Variants in DEPDC4 observed in about 807,000 individuals in gnomAD.
DEPDC4 encodes the protein DEP domain containing 4.
In DEPDC4, 52 loss-of-function variants were observed where a neutral mutation model predicts 52.0. The ratio of observed to expected loss-of-function variants is 1.00; its 90% CI spans 0.80 to 1.26. The LOEUF (loss-of-function observed/expected upper bound fraction) is 1.26, where lower values mean the gene tolerates loss of function less well. Among genes scored for constraint, DEPDC4 ranks in the 50% most tolerant of loss-of-function variants. The pLI, the probability that DEPDC4 is intolerant of heterozygous loss-of-function variation, is 0.00. For missense variants in DEPDC4, 530 were observed against 546.9 expected (o/e 0.97, Z 0.31); for synonymous variants, 201 against 196.8 (o/e 1.02, Z -0.18).
chr12:100,249,032 A>G (rs11110316), intron 7 of DEPDC4, 54 bp from the exon 8 acceptor site: 203,096 of 738,994 alleles, frequency 0.27, 28,802 homozygotes, highest in Non-Finnish European at 0.29. Context: ...TCTAGCCAGC[A>G]TTTCAACATA....
intron 3 of DEPDC4, among the ~76,000 whole-genome samples, chr12:100,261,166 G>A (rs932852659): frequency 1.3e-5 from 2 of 148,426 alleles, no homozygotes; most frequent in South Asian, 2.1e-4. Context: ...GGGCAACAGA[G>A]CGAGACTCCG....
Position 100,240,698 on chromosome 12 carries a change from G to T in DEPDC4, c.*1194C>A, listed in dbSNP as rs1462480894. Among the ~76,000 whole-genome samples, 4 of 152,072 alleles carry T rather than the reference G, an allele frequency of 2.6e-5. No individual in the cohort carries two copies. Among genetic ancestry groups the T allele is most frequent in the Non-Finnish European group, 5.9e-5 (4 of 68,018 alleles). ...TAACCATAAAATATGGACTGAAGAA[G>T]AATTAGAGAGAGAAATCACAGTTTT... On this transcript the variant is annotated 3_prime_UTR_variant, in exon 10 of 10. Coordinates refer to ENST00000550587, the MANE Select transcript of DEPDC4 (RefSeq NM_001364818.2).
intron 7 of DEPDC4, among the ~76,000 whole-genome samples, chr12:100,251,422 C>G (rs577715624): frequency 1.3e-5 from 2 of 152,264 alleles, no homozygotes; most frequent in African/African-American, 4.8e-5. Flanking sequence ...TACTGCTACT[C>G]CTAAGTGTTT....
rs1421312780 is a variant in DEPDC4, at chr12:100,253,587, A to G, written c.1007T>C (p.Ile336Thr). Residue 336 changes from isoleucine (I) to threonine (T), a missense_variant, in exon 5 of 10, where the codon ATA becomes ACA. Transcript: ENST00000550587. ...EETRLNSQKK[I>T]LFDVIAKYYA... ...GTATTTTGCTATGACATCAAAGAGT[A>G]TCTTCTTCTGACTGTTCAATCTTGT... 2 of 1,289,034 alleles carry G rather than the reference A, an allele frequency of 1.6e-6. No homozygotes were observed. The highest frequency in any genetic ancestry group is 1.5e-5 in the African/African-American group (1 of 65,862). 79.8% of individuals were successfully genotyped at this position (1,289,034 alleles called of 1,614,324 possible). A position where few individuals can be genotyped will look rare whatever the true frequency, so the allele number is the denominator to read the frequency against.
chr12:100,248,950 C>G lies in DEPDC4; in HGVS notation c.1403G>C (p.Ser468Thr). The G allele has an allele frequency of 4.1e-6, 4 of 985,532 alleles. No homozygotes were observed. The highest frequency in any genetic ancestry group is 4.8e-6 in the Non-Finnish European group (4 of 829,640). 61.0% of individuals were successfully genotyped at this position (985,532 alleles called of 1,614,324 possible). A position where few individuals can be genotyped will look rare whatever the true frequency, so the allele number is the denominator to read the frequency against. Residue 468 changes from serine (S) to threonine (T), a missense_variant, in exon 8 of 10, where the codon AGT becomes ACT. Ser to Thr is a moderately conservative substitution (Grantham distance 58). Coordinates refer to ENST00000550587, the MANE Select transcript of DEPDC4 (RefSeq NM_001364818.2). ...KTPVTLLDLV[S>T]KKLKKLLHGE... is the part of the protein sequence containing the mutation. ...ATGTAGAAGCTTCTTAAGTTTCTTA[C>G]TAACCAGATCCAATAAAGTAACTGG...
chr12:100,261,295 C>A (rs2096252870), intron 3 of DEPDC4, among the ~76,000 whole-genome samples: 1 of 151,802 alleles, frequency 6.6e-6, no homozygotes, highest in Non-Finnish European at 1.5e-5. Flanking sequence ...GTTGATAAAT[C>A]ACAGTCCTCC....
In DEPDC4 at chr12:100,263,820, T is replaced by A. The variant is rs1171573384; in HGVS notation, c.231A>T (p.Ile77=). ...TCTGTAAATGATGCCTCCTTCTTTT[T>A]ATTTCCACTTGGGCCTGAAGAGAGT... ...IIHSLQAQVE[I]KRRRHHLQTY... The change falls in exon 2 of 10, where the codon ATA becomes ATT. Residue 77 remains isoleucine (I), a synonymous_variant. Coordinates refer to ENST00000550587, the MANE Select transcript of DEPDC4 (RefSeq NM_001364818.2). 6.2e-7 allele frequency: 1 copy of A among 1,614,066 alleles called. No individual in the cohort carries two copies. Among genetic ancestry groups the A allele is most frequent in the African/African-American group, 1.3e-5 (1 of 74,926 alleles).
intron 1 of DEPDC4, among the ~76,000 whole-genome samples, chr12:100,264,203 C>A (rs1457749727): frequency 2.0e-5 from 3 of 152,146 alleles, no homozygotes; most frequent in Non-Finnish European, 2.9e-5. Flanking sequence ...TATTTTAGGG[C>A]ATATTTAAAA....
chr12:100,232,621 C>T (rs926050420), intron 9 of DEPDC4, among the ~76,000 whole-genome samples: 5 of 152,056 alleles, frequency 3.3e-5, no homozygotes, highest in East Asian at 1.9e-4. Context: ...CGGTGGCTCA[C>T]GCCTGTAATC....
At chr12:100,264,900 C>A (rs1306942297) in intron 1 of DEPDC4, among the ~76,000 whole-genome samples, 1 of 152,026 alleles carries the variant, frequency 6.6e-6, no homozygotes, top group Non-Finnish European at 1.5e-5. Flanking sequence ...AAAAAATTGC[C>A]TTATCACATG....
the DEPDC4 span, among the ~76,000 whole-genome samples, chr12:100,278,420 G>A: frequency 6.6e-6 from 1 of 151,898 alleles, no homozygotes; most frequent in Non-Finnish European, 1.5e-5. Context: ...GGCTCATCTC[G>A]AACTGCTGGG....
intron 8 of DEPDC4, among the ~76,000 whole-genome samples, chr12:100,242,811 G>A (rs987490263): frequency 1.3e-5 from 2 of 152,172 alleles, no homozygotes; most frequent in African/African-American, 4.8e-5. Flanking sequence ...TTGAGCCACT[G>A]CTTCATCAAT....
rs869121983 is a variant in DEPDC4 at position 100,247,201 on chromosome 12, GTTTTTTTTT to G, written c.1453+1690_1453+1698del. Among the ~76,000 whole-genome samples, 9 of 71,700 alleles carry G rather than the reference GTTTTTTTTT, an allele frequency of 1.3e-4. 1 individual carries two copies. The Admixed American group carries it at 1.7e-3, about 13-fold the overall frequency. 47.0% of individuals were successfully genotyped at this position (71,700 alleles called of 152,430 possible). On this transcript the variant is annotated intron_variant, in intron 8 of 9. Transcript: ENST00000550587. ...CTTATATTTATAATCTCCCCTTAGT[GTTTTTTTTT>G]TTTTTTTTTTTTTTTTGAGACAGAG...
chr12:100,256,536 T>C (rs2096233280), intron 3 of DEPDC4, among the ~76,000 whole-genome samples: 1 of 152,122 alleles, frequency 6.6e-6, no homozygotes, highest in African/African-American at 2.4e-5. Flanking sequence ...TGCTTATAAC[T>C]TATATTACAC....
At chr12:100,250,114 A>C (rs961518710) in intron 7 of DEPDC4, among the ~76,000 whole-genome samples, 2 of 152,078 alleles carry the variant, frequency 1.3e-5, no homozygotes, top group African/African-American at 4.8e-5. Flanking sequence ...GAAACCAACT[A>C]TCAGGGCCCT....
rs1467650210 is a variant in DEPDC4 at position 100,266,978 on chromosome 12, C to T, written c.99G>A (p.Gly33=). ...LVSQNELPGP[G]LNGPSSRNRR... ...GGTTCCTGGAACTTGGCCCGTTCAG[C>T]CCTGGGCCCGGAAGCTCGTTCTGAC... The change falls in exon 1 of 10, where the codon GGG becomes GGA. Residue 33 remains glycine, a synonymous_variant. Transcript: ENST00000550587. 6 of 1,614,014 alleles carry T rather than the reference C, an allele frequency of 3.7e-6. No individual in the cohort carries two copies. Among genetic ancestry groups the T allele is most frequent in the African/African-American group, 1.3e-5 (1 of 74,942 alleles).
chr12:100,272,502 G>A, the DEPDC4 span, among the ~76,000 whole-genome samples: 3 of 152,114 alleles, frequency 2.0e-5, no homozygotes, highest in Non-Finnish European at 4.4e-5. Context: ...CTGGCTCATC[G>A]TGCACCAATT....
chr12:100,263,943 T>A, intron 1 of DEPDC4, 50 bp from the exon 2 acceptor site: 5 of 1,522,830 alleles, frequency 3.3e-6, no homozygotes, highest in Non-Finnish European at 4.4e-6. Context: ...TATACAAAAA[T>A]ATGCAAATTT....
At chr12:100,273,368 T>C in the DEPDC4 span, among the ~76,000 whole-genome samples, 1 of 152,172 alleles carries the variant, frequency 6.6e-6, no homozygotes, top group Non-Finnish European at 1.5e-5. Context: ...TGTGCATGTA[T>C]ATTCTGTAGC....
Sources: allele counts gnomAD v4.1 joint callset (sites outside exome capture counted in the v4.1 genomes callset), GRCh38; gene constraint gnomAD v4.1.1; transcripts MANE v1.5; gene names NCBI Gene and HGNC (gene_info 2026-07-23, HGNC 2026-07-21).